SORCS3: variants seen among roughly 807,000 people sequenced by gnomAD.
SORCS3 encodes sortilin related VPS10 domain containing receptor 3.
Under a neutral mutation model 146.3 loss-of-function variants are expected in SORCS3, and 57 were observed. The observed-to-expected ratio is 0.39, with a 90% CI of 0.31 to 0.49. The LOEUF (loss-of-function observed/expected upper bound fraction) is 0.49. SORCS3 is among the 20% of genes least tolerant of loss of function. The pLI is 0.92. For synonymous variants in SORCS3, 653 were observed against 618.5 expected, an observed-to-expected ratio of 1.06 and a Z score of -0.83; for missense variants, 1,341 against 1,575.5, an observed-to-expected ratio of 0.85 and a Z score of 2.52.
At chr10:105,126,638 T>G (rs898756765) in intron 7 of SORCS3, among the ~76,000 whole-genome samples, 1 of 152,174 alleles carries the variant, frequency 6.6e-6, no homozygotes, top group African/African-American at 2.4e-5. Flanking sequence ...AGAATCGTTA[T>G]GCCTGCAGTA....
chr10:105,174,878 G>T (rs1157664859), intron 13 of SORCS3, among the ~76,000 whole-genome samples: 1 of 152,058 alleles, frequency 6.6e-6, no homozygotes, highest in African/African-American at 2.4e-5. Context: ...AATACTGGAA[G>T]GCTGCGATGG....
chr10:105,035,898 C>T (rs905342881), intron 4 of SORCS3, among the ~76,000 whole-genome samples: 19 of 152,160 alleles, frequency 1.2e-4, no homozygotes, highest in African/African-American at 2.4e-4. Context: ...CATCTACCTA[C>T]GTTGTTCTGC....
chr10:105,263,280 A>G (rs2119779289), intron 26 of SORCS3, 30 bp from the exon 27 acceptor site: 1 of 1,611,632 alleles, frequency 6.2e-7, no homozygotes, highest in Non-Finnish European at 8.5e-7. Flanking sequence ...ACTCACATCC[A>G]TTTCTCCCTG....
chr10:104,987,166 A>G (rs181535408), intron 4 of SORCS3, among the ~76,000 whole-genome samples: 227 of 152,242 alleles, frequency 1.5e-3, no homozygotes, highest in Non-Finnish European at 2.5e-3. Context: ...TAAGGTAAAG[A>G]AAGGAAGGAA....
chr10:104,717,906 C>T (rs1047900555), intron 1 of SORCS3, among the ~76,000 whole-genome samples: 3 of 151,564 alleles, frequency 2.0e-5, no homozygotes, highest in Non-Finnish European at 4.4e-5. Context: ...TTTGAGAGGC[C>T]GAGGCAGGTG....
chr10:105,082,231 C>T (rs1321371822), intron 5 of SORCS3, among the ~76,000 whole-genome samples: 1 of 152,274 alleles, frequency 6.6e-6, no homozygotes, highest in Non-Finnish European at 1.5e-5. Flanking sequence ...TTGTGATGTA[C>T]ACTCAATCTA....
rs986638480 is a variant in SORCS3, at chr10:104,718,248, A to G, written c.627+76294A>G. ...AAAAGCTCAAGATCAAGGGGCCCCTACCTGGTGTAGGCCTTTTTGCTGTGT... is the reference window on the plus strand; with the variant it reads ...AAAAGCTCAAGATCAAGGGGCCCCTGCCTGGTGTAGGCCTTTTTGCTGTGT... On this transcript the variant is annotated intron_variant, in intron 1 of 26. Coordinates refer to ENST00000369701, the MANE Select transcript of SORCS3 (RefSeq NM_014978.3). Among the ~76,000 whole-genome samples the G allele has an allele frequency of 2.0e-5, 3 of 152,274 alleles. No homozygotes were observed. The East Asian group carries it at 5.8e-4, about 29-fold the overall frequency.
chr10:105,214,622 T>C lies in SORCS3; in HGVS notation c.2547+9T>C. The C allele has an allele frequency of 1.3e-6, 2 of 1,551,352 alleles. No homozygotes were observed. The highest frequency in any genetic ancestry group is 1.7e-6 in the Non-Finnish European group (2 of 1,149,810). On this transcript the variant is annotated intron_variant, in intron 18 of 26. Coordinates refer to ENST00000369701, the MANE Select transcript of SORCS3 (RefSeq NM_014978.3). ...TCATCCTCATGGAGGAGGTAGGTGC[T>C]CAACTGGGTCTCTGAGGTCAGAACT... is the stretch of plus-strand genomic sequence containing the variant.
intron 4 of SORCS3, among the ~76,000 whole-genome samples, chr10:105,012,183 G>A (rs1047855277): frequency 6.6e-6 from 1 of 152,124 alleles, no homozygotes; most frequent in Non-Finnish European, 1.5e-5. Context: ...AAGCATCATG[G>A]CACCCATACT....
chr10:105,211,280 C>G (rs751092227), intron 17 of SORCS3, 30 bp downstream of exon 17: 17 of 1,463,998 alleles, frequency 1.2e-5, no homozygotes, highest in Middle Eastern at 1.7e-4. Context: ...GAACTCAGCT[C>G]CCTGTTTTCC....
At chr10:104,683,323 A>G (rs1286175082) in intron 1 of SORCS3, among the ~76,000 whole-genome samples, 1 of 152,192 alleles carries the variant, frequency 6.6e-6, no homozygotes, top group Non-Finnish European at 1.5e-5. Context: ...TCTCAGGGCT[A>G]AAGTGCCCAA....
At chr10:104,787,036 C>G (rs2017445283) in intron 1 of SORCS3, among the ~76,000 whole-genome samples, 1 of 152,202 alleles carries the variant, frequency 6.6e-6, no homozygotes, top group South Asian at 2.1e-4. Flanking sequence ...CCAGTGCAAA[C>G]CAACAGAGCA....
chr10:105,051,250 A>G (rs769845656), intron 5 of SORCS3, among the ~76,000 whole-genome samples: 7 of 152,164 alleles, frequency 4.6e-5, no homozygotes, highest in Non-Finnish European at 8.8e-5. Flanking sequence ...AAGTACTAAT[A>G]TAAATCACAT....
intron 4 of SORCS3, among the ~76,000 whole-genome samples, chr10:104,996,950 T>C (rs1204494698): frequency 6.6e-6 from 1 of 152,176 alleles, no homozygotes; most frequent in Non-Finnish European, 1.5e-5. Flanking sequence ...TGTGTGGATG[T>C]TGAGAAGAGT....
At chr10:104,900,118 T>C (rs2018835789) in intron 2 of SORCS3, among the ~76,000 whole-genome samples, 1 of 152,186 alleles carries the variant, frequency 6.6e-6, no homozygotes, top group African/African-American at 2.4e-5. Context: ...GTTCTTGAGC[T>C]TCCAAATCCC....
intron 1 of SORCS3, among the ~76,000 whole-genome samples, chr10:104,827,964 A>G (rs1482321214): frequency 5.9e-5 from 9 of 152,196 alleles, no homozygotes; most frequent in Non-Finnish European, 1.5e-5. Flanking sequence ...CTTAGACTTC[A>G]TGGAACTGAA....
intron 5 of SORCS3, among the ~76,000 whole-genome samples, chr10:105,051,212 A>C (rs2055410245): frequency 6.6e-6 from 1 of 152,142 alleles, no homozygotes. Context: ...GAGAAGTGTT[A>C]ATTTCATTGG....
chr10:104,838,027 A>G (rs780261853), intron 1 of SORCS3, among the ~76,000 whole-genome samples: 1 of 152,154 alleles, frequency 6.6e-6, no homozygotes, highest in Non-Finnish European at 1.5e-5. Context: ...AATGGGCGAT[A>G]TTATATAATA....
At chr10:104,828,192 A>G (rs12250380) in intron 1 of SORCS3, among the ~76,000 whole-genome samples, 76,870 of 152,034 alleles carry the variant, frequency 0.51, 21,624 homozygotes, top group East Asian at 0.72. Context: ...CTTTCAGTCT[A>G]TTTTGGCTTT....
Sources: allele counts gnomAD v4.1 joint callset (sites outside exome capture counted in the v4.1 genomes callset), GRCh38; gene constraint gnomAD v4.1.1; transcripts MANE v1.5; gene names NCBI Gene and HGNC (gene_info 2026-07-23, HGNC 2026-07-21).